Variants in DGKB observed in about 807,000 individuals in gnomAD.
DGKB encodes the protein diacylglycerol kinase beta, also known as 90 kDa diacylglycerol kinase.
Under a neutral mutation model 114.3 loss-of-function variants are expected in DGKB, and 67 were observed. That is an observed-to-expected ratio of 0.59 (90% CI 0.48 to 0.72). The LOEUF (loss-of-function observed/expected upper bound fraction) is 0.72, where lower values mean the gene tolerates loss of function less well. Ranked by LOEUF, DGKB falls within the 30% of genes least tolerant of loss-of-function variation. The pLI, the probability that DGKB is intolerant of heterozygous loss-of-function variation, is 0.00. For synonymous variants in DGKB, 398 were observed against 323.1 expected, an observed-to-expected ratio of 1.23 and a Z score of -2.49; for missense variants, 907 against 975.2, an observed-to-expected ratio of 0.93 and a Z score of 0.93.
intron 23 of DGKB, among the ~76,000 whole-genome samples, chr7:14,288,172 G>A (rs1801173225): frequency 7.5e-6 from 1 of 134,076 alleles, no homozygotes; most frequent in Non-Finnish European, 1.5e-5. Context: ...TGAACTACCT[G>A]AACTGATCAG....
chr7:14,707,247 C>T (rs201132778), intron 6 of DGKB, among the ~76,000 whole-genome samples: 53,692 of 140,886 alleles, frequency 0.38, 12,343 homozygotes, highest in East Asian at 0.84. Context: ...GACACATACA[C>T]TCTCCCAAGA....
intron 20 of DGKB, among the ~76,000 whole-genome samples, chr7:14,559,713 TA>T (rs1796374389): frequency 6.6e-6 from 1 of 152,210 alleles, no homozygotes; most frequent in East Asian, 1.9e-4. Context: ...ATCACAATAC[TA>T]AAGTCACTGA....
intron 2 of DGKB, among the ~76,000 whole-genome samples, chr7:14,783,313 T>A (rs1209877995): frequency 1.3e-5 from 2 of 152,200 alleles, no homozygotes; most frequent in African/African-American, 4.8e-5. Flanking sequence ...AGCAAGAATT[T>A]CAAAACTCGG....
At chr7:14,915,546 A>C (rs1467058393) in intron 1 of DGKB, among the ~76,000 whole-genome samples, 1 of 152,220 alleles carries the variant, frequency 6.6e-6, no homozygotes, top group Non-Finnish European at 1.5e-5. Flanking sequence ...AGCAAAGACA[A>C]AGAGAAAATA....
At chr7:14,162,702 T>TTGAA (rs1784082598) in intron 25 of DGKB, among the ~76,000 whole-genome samples, 1 of 152,178 alleles carries the variant, frequency 6.6e-6, no homozygotes, top group South Asian at 2.1e-4. Context: ...AATATTTAAA[T>TTGAA]TGAATGCATT....
chr7:14,698,215 G>A, intron 7 of DGKB, 46 bp from the exon 8 acceptor site: 2 of 1,220,512 alleles, frequency 1.6e-6, no homozygotes, highest in South Asian at 1.4e-5. Flanking sequence ...AGATCTTAGT[G>A]AGTTTTAAAT....
intron 4 of DGKB, among the ~76,000 whole-genome samples, chr7:14,737,863 C>T (rs12699660): frequency 0.65 from 96,363 of 149,116 alleles, 34,766 homozygotes; most frequent in Non-Finnish European, 0.81. Flanking sequence ...CACTACACTC[C>T]GGCCTGGCGA....
intron 25 of DGKB, among the ~76,000 whole-genome samples, chr7:14,165,474 A>G (rs1447020078): frequency 2.6e-5 from 4 of 152,254 alleles, no homozygotes; most frequent in Admixed American, 2.6e-4. Context: ...AATTTGCCCT[A>G]TTCCTGCTAT....
At chr7:14,225,361 C>T (rs1375224063) in intron 23 of DGKB, among the ~76,000 whole-genome samples, 1 of 151,918 alleles carries the variant, frequency 6.6e-6, no homozygotes, top group African/African-American at 2.4e-5. Flanking sequence ...TTTATTTATT[C>T]ATTACATGAT....
chr7:14,237,958 C>G (rs1038872816), intron 23 of DGKB, among the ~76,000 whole-genome samples: 1 of 151,936 alleles, frequency 6.6e-6, no homozygotes, highest in African/African-American at 2.4e-5. Context: ...CTACATATGT[C>G]ACTAAAACTT....
intron 1 of DGKB, among the ~76,000 whole-genome samples, chr7:14,923,024 C>G (rs1784583253): frequency 6.6e-6 from 1 of 152,166 alleles, no homozygotes; most frequent in Non-Finnish European, 1.5e-5. Flanking sequence ...TCCTTTTCCA[C>G]CACAGCTTCT....
intron 13 of DGKB, among the ~76,000 whole-genome samples, chr7:14,666,395 G>A (rs915671039): frequency 2.6e-5 from 4 of 151,920 alleles, no homozygotes; most frequent in Admixed American, 2.0e-4. Context: ...TTAGAACATA[G>A]AAGAGTGAGT....
chr7:14,184,323 T>C (rs1275157257), intron 23 of DGKB, among the ~76,000 whole-genome samples: 1 of 152,164 alleles, frequency 6.6e-6, no homozygotes, highest in African/African-American at 2.4e-5. Context: ...GCAAATCTGG[T>C]GTGCAAACTC....
intron 20 of DGKB, among the ~76,000 whole-genome samples, chr7:14,534,667 G>T (rs1439730528): frequency 6.6e-6 from 1 of 152,058 alleles, no homozygotes; most frequent in Non-Finnish European, 1.5e-5. Context: ...GAAACCAAAA[G>T]AGTTGGGATG....
intron 1 of DGKB, among the ~76,000 whole-genome samples, chr7:14,849,482 G>A (rs1314156755): frequency 6.6e-6 from 1 of 152,040 alleles, no homozygotes; most frequent in Non-Finnish European, 1.5e-5. Flanking sequence ...TCCACCATGT[G>A]ACAATGCAGC....
chr7:14,687,297 C>A (rs1419387059), intron 9 of DGKB, among the ~76,000 whole-genome samples: 1 of 152,176 alleles, frequency 6.6e-6, no homozygotes, highest in Non-Finnish European at 1.5e-5. Flanking sequence ...GGACCCTTTA[C>A]AATTCTTGAC....
intron 6 of DGKB, among the ~76,000 whole-genome samples, chr7:14,707,512 C>T (rs1276164173): frequency 1.8e-5 from 2 of 110,136 alleles, no homozygotes; most frequent in Non-Finnish European, 3.8e-5. Flanking sequence ...GAGACACAAC[C>T]AAACAAGAGA....
chr7:14,251,222 A>G (rs1238379776), intron 23 of DGKB, among the ~76,000 whole-genome samples: 1 of 151,748 alleles, frequency 6.6e-6, no homozygotes, highest in Non-Finnish European at 1.5e-5. Context: ...CTCTGACTGT[A>G]TTACTTCTGA....
intron 20 of DGKB, among the ~76,000 whole-genome samples, chr7:14,497,868 T>G (rs1380079336): frequency 1.3e-5 from 2 of 151,904 alleles, no homozygotes; most frequent in Admixed American, 6.6e-5. Context: ...CAATACCCAC[T>G]GAATATTGAA....
Sources: allele counts gnomAD v4.1 joint callset (sites outside exome capture counted in the v4.1 genomes callset), GRCh38; gene constraint gnomAD v4.1.1; transcripts MANE v1.5; gene names NCBI Gene and HGNC (gene_info 2026-07-23, HGNC 2026-07-21).